Variants in KCNQ5 observed in about 807,000 individuals in gnomAD.
KCNQ5 encodes potassium voltage-gated channel subfamily KQT member 5.
KCNQ5 carries 30 observed loss-of-function variants against 98.2 expected under a neutral mutation model. The observed-to-expected ratio is 0.31, with a 90% CI of 0.23 to 0.41. KCNQ5 has a LOEUF of 0.41. KCNQ5 is among the 10% of genes least tolerant of loss of function. The pLI, the probability that KCNQ5 is intolerant of heterozygous loss-of-function variation, is 1.00. For synonymous variants in KCNQ5, 458 were observed against 449.4 expected, an observed-to-expected ratio of 1.02 and a Z score of -0.24; for missense variants, 835 against 1,182.5, an observed-to-expected ratio of 0.71 and a Z score of 4.31.
intron 1 of KCNQ5, among the ~76,000 whole-genome samples, chr6:72,858,953 A>G (rs1223884428): frequency 1.3e-5 from 2 of 151,218 alleles, no homozygotes; most frequent in African/African-American, 2.4e-5. Flanking sequence ...CAGAAGCTGG[A>G]TGAAATCTAC....
chr6:72,729,292 G>A (rs185599572), intron 1 of KCNQ5, among the ~76,000 whole-genome samples: 4 of 152,236 alleles, frequency 2.6e-5, no homozygotes, highest in Admixed American at 6.5e-5. Context: ...AAGTCAAAGG[G>A]TTTAGGAGGT....
intron 1 of KCNQ5, among the ~76,000 whole-genome samples, chr6:72,785,806 G>A (rs1407032014): frequency 3.3e-5 from 5 of 152,240 alleles, no homozygotes; most frequent in African/African-American, 1.2e-4. Context: ...ATCACCGCTT[G>A]CTTGGAGTCT....
At chr6:72,809,613 G>A (rs1775147001) in intron 1 of KCNQ5, among the ~76,000 whole-genome samples, 1 of 152,016 alleles carries the variant, frequency 6.6e-6, no homozygotes, top group Non-Finnish European at 1.5e-5. Context: ...GTAAAACCTT[G>A]CACACAGAAC....
chr6:72,977,428 A>C lies in KCNQ5; in HGVS notation c.399-26480A>C, dbSNP rs141343028. Among the ~76,000 whole-genome samples, 15 of 152,340 alleles carry C rather than the reference A, an allele frequency of 9.8e-5. 1 individual carries two copies. The East Asian group carries it at 2.9e-3, about 29-fold the overall frequency. ...CTAGAAGGTCTATCTGGAGAAATGG[A>C]AGAATTAATGTTCTTGTGAGGATCT... On this transcript the variant is annotated intron_variant, in intron 1 of 13. Coordinates refer to ENST00000370398, the MANE Select transcript of KCNQ5 (RefSeq NM_019842.4).
intron 1 of KCNQ5, among the ~76,000 whole-genome samples, chr6:72,762,578 G>A (rs559064076): frequency 4.5e-4 from 68 of 152,104 alleles, no homozygotes; most frequent in African/African-American, 1.6e-3. Flanking sequence ...GAAAACATCA[G>A]GACGAAAAGG....
At chr6:73,074,104 A>G (rs1249775884) in intron 3 of KCNQ5, among the ~76,000 whole-genome samples, 1 of 152,214 alleles carries the variant, frequency 6.6e-6, no homozygotes, top group African/African-American at 2.4e-5. Flanking sequence ...TTAAATATTT[A>G]TTGAGTGCCT....
chr6:72,837,150 A>G (rs962430388), intron 1 of KCNQ5, among the ~76,000 whole-genome samples: 3 of 152,236 alleles, frequency 2.0e-5, no homozygotes, highest in Non-Finnish European at 4.4e-5. Flanking sequence ...AATTAATAAA[A>G]TTACGTCATT....
intron 11 of KCNQ5, among the ~76,000 whole-genome samples, chr6:73,184,665 A>G (rs1015765298): frequency 6.6e-6 from 1 of 152,258 alleles, no homozygotes; most frequent in African/African-American, 2.4e-5. Flanking sequence ...GCTACCTCAC[A>G]GTGCATTTGA....
rs558521281 is a variant in KCNQ5, at chr6:72,708,439, A to C, written c.398+85852A>C. On this transcript the variant is annotated intron_variant, in intron 1 of 13. Coordinates refer to ENST00000370398, the MANE Select transcript of KCNQ5 (RefSeq NM_019842.4). ...AGGGAAACTTCTTTTAGACGTTCTT[A>C]AAGACATGAAATCACTTCGAATTTT... Among the ~76,000 whole-genome samples, 42 of 152,348 alleles carry C rather than the reference A, an allele frequency of 2.8e-4. No homozygotes were observed. The South Asian group carries it at 8.7e-3, about 32-fold the overall frequency.
At chr6:72,892,992 G>C (rs533986045) in intron 1 of KCNQ5, among the ~76,000 whole-genome samples, 10 of 152,176 alleles carry the variant, frequency 6.6e-5, no homozygotes, top group Non-Finnish European at 1.5e-4. Context: ...TGGGGGAAGA[G>C]GCGGCCATGT....
intron 3 of KCNQ5, among the ~76,000 whole-genome samples, chr6:73,068,627 A>G (rs998831358): frequency 6.6e-6 from 1 of 152,154 alleles, no homozygotes; most frequent in African/African-American, 2.4e-5. Context: ...TAACAAGGTA[A>G]CCCAGCTATT....
chr6:73,022,619 A>G (rs763817765), intron 2 of KCNQ5, among the ~76,000 whole-genome samples: 28 of 152,106 alleles, frequency 1.8e-4, no homozygotes, highest in Admixed American at 6.6e-4. Context: ...TGAAAAAAAA[A>G]TGCATTAACC....
At chr6:73,072,933 G>C (rs546901644) in intron 3 of KCNQ5, among the ~76,000 whole-genome samples, 2 of 151,908 alleles carry the variant, frequency 1.3e-5, no homozygotes, top group Admixed American at 1.3e-4. Context: ...GCTCCTCCTT[G>C]TTTATTAGCA....
intron 1 of KCNQ5, among the ~76,000 whole-genome samples, chr6:72,880,663 G>T (rs1196887630): frequency 2.6e-5 from 4 of 152,092 alleles, no homozygotes; most frequent in African/African-American, 9.7e-5. Flanking sequence ...TGTGAATAGT[G>T]TCTTATTATT....
intron 1 of KCNQ5, among the ~76,000 whole-genome samples, chr6:72,953,023 T>C (rs1432293064): frequency 6.6e-6 from 1 of 152,192 alleles, no homozygotes; most frequent in Admixed American, 6.6e-5. Flanking sequence ...ACTCACCCTC[T>C]CCAGTAGGCT....
Position 72,726,362 on chromosome 6 carries a change from C to T in KCNQ5, c.398+103775C>T, listed in dbSNP as rs191837907. ...AGTAGCTGGGACTACAGGTGCCCAC[C>T]ACCATGCCCGGCTAATTCCCTGTAT... On this transcript the variant is annotated intron_variant, in intron 1 of 13. Transcript: ENST00000370398. 3.3e-5 allele frequency among the ~76,000 whole-genome samples: 5 copies of T among 152,096 alleles called. No individual in the cohort carries two copies. The East Asian group carries it at 9.7e-4, about 29-fold the overall frequency.
chr6:73,037,614 CCTT>C (rs764865925), intron 2 of KCNQ5, among the ~76,000 whole-genome samples: 5 of 151,994 alleles, frequency 3.3e-5, no homozygotes, highest in Non-Finnish European at 5.9e-5. Context: ...TGTTGAGGGC[CCTT>C]CTTCCTCCAT....
chr6:72,972,250 G>T (rs1459753760), intron 1 of KCNQ5, among the ~76,000 whole-genome samples: 3 of 152,094 alleles, frequency 2.0e-5, no homozygotes, highest in Non-Finnish European at 4.4e-5. Flanking sequence ...TATGGAAATA[G>T]ACAGTCTTGT....
At chr6:73,124,790 T>G in intron 9 of KCNQ5, 1 of 465,292 alleles carries the variant, frequency 2.1e-6, no homozygotes, top group Non-Finnish European at 3.8e-6. Context: ...TAGTCCTTGC[T>G]GTTGTTTTCC....
Sources: gnomAD v4.1 joint callset for allele counts (sites outside exome capture counted in the v4.1 genomes callset) on GRCh38, gnomAD v4.1.1 for gene constraint, MANE v1.5 for transcripts, NCBI Gene and HGNC (gene_info 2026-07-23, HGNC 2026-07-21) for gene names.